CSNK1G3: variants seen among roughly 807,000 people sequenced by gnomAD.
CSNK1G3 encodes casein kinase I isoform gamma-3.
CSNK1G3 carries 23 observed loss-of-function variants against 64.3 expected under a neutral mutation model. The observed-to-expected ratio is 0.36, with a 90% confidence interval of 0.26 to 0.51. The LOEUF (loss-of-function observed/expected upper bound fraction) is 0.51. CSNK1G3 is among the 20% of genes least tolerant of loss of function. CSNK1G3 has a pLI of 0.96. For synonymous variants in CSNK1G3, 158 were observed against 162.2 expected (o/e 0.97, Z 0.20); for missense variants, 357 against 510.5 (o/e 0.70, Z 2.90).
chr5:123,534,865 A>G (rs530245001), intron 1 of CSNK1G3, among the ~76,000 whole-genome samples: 45 of 152,148 alleles, frequency 3.0e-4, no homozygotes, highest in Non-Finnish European at 6.3e-4. Flanking sequence ...GTTGTAACAC[A>G]GTAATAGAAA....
chr5:123,557,180 G>A (rs180706973), intron 3 of CSNK1G3, among the ~76,000 whole-genome samples: 9 of 152,192 alleles, frequency 5.9e-5, no homozygotes, highest in Non-Finnish European at 1.3e-4. Flanking sequence ...TTGGAGAACA[G>A]GAGAAATAGC....
At chr5:123,579,065 G>A (rs1789732047) in intron 6 of CSNK1G3, among the ~76,000 whole-genome samples, 1 of 151,748 alleles carries the variant, frequency 6.6e-6, no homozygotes, top group East Asian at 1.9e-4. Flanking sequence ...TCACAGATTT[G>A]GACAGAATCT....
intron 4 of CSNK1G3, among the ~76,000 whole-genome samples, chr5:123,566,206 C>T (rs1266659523): frequency 6.6e-6 from 1 of 151,986 alleles, no homozygotes; most frequent in Admixed American, 6.6e-5. Context: ...AAAGGGAATA[C>T]CAACATATAA....
intron 4 of CSNK1G3, among the ~76,000 whole-genome samples, chr5:123,560,347 G>C (rs1349865550): frequency 6.6e-6 from 1 of 152,172 alleles, no homozygotes; most frequent in Non-Finnish European, 1.5e-5. Flanking sequence ...ACTACCATTT[G>C]ATCTAGCAAT....
intron 4 of CSNK1G3, among the ~76,000 whole-genome samples, chr5:123,568,277 C>T (rs1160376626): frequency 1.3e-5 from 2 of 152,026 alleles, no homozygotes; most frequent in Non-Finnish European, 2.9e-5. Flanking sequence ...GACCAGCAGC[C>T]GAACACCAGA....
intron 1 of CSNK1G3, among the ~76,000 whole-genome samples, chr5:123,512,800 C>T (rs561825883): frequency 6.7e-6 from 1 of 148,922 alleles, no homozygotes; most frequent in South Asian, 2.1e-4. Flanking sequence ...GCTGAGGGCG[C>T]GGAGGGCTAG....
At chr5:123,591,650 A>T (rs886716602) in intron 10 of CSNK1G3, among the ~76,000 whole-genome samples, 4 of 152,142 alleles carry the variant, frequency 2.6e-5, no homozygotes, top group Middle Eastern at 3.4e-3. Flanking sequence ...ATTCTGTTAG[A>T]ATGGAAGTAT....
chr5:123,605,436 C>CT, intron 12 of CSNK1G3, 74 bp downstream of exon 13: 1 of 1,493,348 alleles, frequency 6.7e-7, no homozygotes, highest in South Asian at 1.2e-5. Context: ...CATTTTGTGT[C>CT]TTTTGAAAAC....
chr5:123,615,382 G>T (rs1749282595), exon 13 of CSNK1G3: 1 of 152,306 alleles, frequency 6.6e-6, no homozygotes, highest in Non-Finnish European at 1.5e-5. Context: ...TGGTGTCTGT[G>T]TAATTATTTT....
intron 6 of CSNK1G3, among the ~76,000 whole-genome samples, chr5:123,581,752 A>G (rs1027200581): frequency 1.3e-5 from 2 of 151,874 alleles, no homozygotes; most frequent in African/African-American, 4.8e-5. Flanking sequence ...ACTGAGCTCA[A>G]TGAATCTTGA....
chr5:123,564,419 AAGAT>A (rs1195008050), intron 4 of CSNK1G3, among the ~76,000 whole-genome samples: 37 of 152,118 alleles, frequency 2.4e-4, no homozygotes, highest in Non-Finnish European at 1.5e-4. Flanking sequence ...TAATAGTAAA[AAGAT>A]AGAAAGTATA....
At chr5:123,604,546 C>G (rs565913146) in intron 10 of CSNK1G3, among the ~76,000 whole-genome samples, 178 bp from the exon 12 acceptor site, 1 of 151,974 alleles carries the variant, frequency 6.6e-6, no homozygotes, top group Non-Finnish European at 1.5e-5. Flanking sequence ...AAATGCTAGA[C>G]CAATTACTGT....
intron 12 of CSNK1G3, among the ~76,000 whole-genome samples, chr5:123,608,734 AATACTT>A (rs1283445759): frequency 8.5e-5 from 13 of 152,120 alleles, no homozygotes; most frequent in Non-Finnish European, 1.8e-4. Flanking sequence ...AAGATGTACT[AATACTT>A]AGGCTGTATT....
chr5:123,587,758 A>G (rs770597099), intron 6 of CSNK1G3, among the ~76,000 whole-genome samples: 8 of 152,194 alleles, frequency 5.3e-5, no homozygotes, highest in Non-Finnish European at 1.0e-4. Context: ...TGTAGTATAC[A>G]GTGACTCTGA....
chr5:123,578,386 T>G (rs539971623), intron 6 of CSNK1G3, among the ~76,000 whole-genome samples: 21 of 152,050 alleles, frequency 1.4e-4, no homozygotes, highest in Non-Finnish European at 2.9e-4. Context: ...TTTTAATTCC[T>G]TGTGATTATT....
intron 1 of CSNK1G3, among the ~76,000 whole-genome samples, chr5:123,543,341 GTTC>G (rs1781993609): frequency 2.0e-5 from 3 of 152,062 alleles, no homozygotes; most frequent in African/African-American, 4.8e-5. Context: ...TATTAGTGAG[GTTC>G]TTCTGCTATG....
intron 10 of CSNK1G3, among the ~76,000 whole-genome samples, chr5:123,604,212 G>C (rs1013227413): frequency 6.6e-6 from 1 of 152,070 alleles, no homozygotes; most frequent in African/African-American, 2.4e-5. Context: ...GAATCACAGT[G>C]ACCCCTACGT....
chr5:123,572,772 C>CT (rs1788379519), intron 4 of CSNK1G3, among the ~76,000 whole-genome samples: 1 of 152,182 alleles, frequency 6.6e-6, no homozygotes. Context: ...GACTTCTAGA[C>CT]TATCTTTTTA....
rs1749157345 is a variant in CSNK1G3 at position 123,614,673 on chromosome 5, A to G, written c.*277A>G. ...GACCAATGAGGTGGTATCAATGAAT[A>G]TAGTTCCATAGAACATTTTCCAGAA... On this transcript the variant is annotated 3_prime_UTR_variant, in exon 13 of 13. Transcript: ENST00000345990. 1.4e-5 allele frequency: 4 copies of G among 295,326 alleles called. No individual in the cohort carries two copies. The Admixed American group carries it at 1.8e-4, about 14-fold the overall frequency. The allele number at this position is 295,326 out of a possible 1,614,324, so 18.3% of individuals were successfully genotyped here. A position where few individuals can be genotyped will look rare whatever the true frequency, so the allele number is the denominator to read the frequency against.
Sources: allele counts gnomAD v4.1 joint callset (sites outside exome capture counted in the v4.1 genomes callset), GRCh38; gene constraint gnomAD v4.1.1; transcripts MANE v1.5; gene names NCBI Gene and HGNC (gene_info 2026-07-23, HGNC 2026-07-21).